The following GATB variants were observed in gnomAD, a reference collection of about 807,000 sequenced individuals.
GATB encodes glutamyl-tRNA amidotransferase subunit B.
A neutral mutation model predicts 62.3 loss-of-function variants in GATB; 39 were observed. The observed-to-expected ratio is 0.63, with a 90% confidence interval of 0.48 to 0.82. The LOEUF is 0.82. Among genes scored for constraint, GATB ranks in the 40% least tolerant of loss-of-function variants. GATB has a pLI of 0.00. For synonymous variants in GATB, 276 were observed against 258.9 expected (o/e 1.07, Z -0.63); for missense variants, 670 against 684.0 (o/e 0.98, Z 0.23).
chr4:151,757,761 G>A (rs751480313), intron 2 of GATB, among the ~76,000 whole-genome samples: 6 of 151,994 alleles, frequency 3.9e-5, no homozygotes, highest in Non-Finnish European at 5.9e-5. Flanking sequence ...ACAGGCGTGA[G>A]CCACCGCGCC....
At chr4:151,693,059 G>C (rs1465069866) in intron 9 of GATB, among the ~76,000 whole-genome samples, 1 of 152,228 alleles carries the variant, frequency 6.6e-6, no homozygotes, top group African/African-American at 2.4e-5. Context: ...CATTTGTGCA[G>C]ACGCTGGAGG....
chr4:151,693,438 G>T (rs111538175), intron 9 of GATB, among the ~76,000 whole-genome samples: 12 of 152,302 alleles, frequency 7.9e-5, no homozygotes, highest in African/African-American at 2.6e-4. Flanking sequence ...ATTGAGAGAG[G>T]CCTCGTCAGT....
At chr4:151,758,973 T>C (rs769845424) in intron 1 of GATB, 51 bp from the exon 2 acceptor site, 1 of 1,352,718 alleles carries the variant, frequency 7.4e-7, no homozygotes. Context: ...TCACCATGAA[T>C]GAATTTCTAT....
intron 9 of GATB, among the ~76,000 whole-genome samples, chr4:151,691,268 T>C (rs568385142): frequency 6.6e-6 from 1 of 152,262 alleles, no homozygotes; most frequent in East Asian, 1.9e-4. Flanking sequence ...GCAATAGAAC[T>C]GCAACTTCAG....
At chr4:151,697,967 A>ATATATATATATATGTGTATG (rs1560847752) in intron 9 of GATB, among the ~76,000 whole-genome samples, 4 of 101,872 alleles carry the variant, frequency 3.9e-5, no homozygotes, top group African/African-American at 2.1e-4. Context: ...ATATATATAT[A>ATATATATATATATGTGTATG]TATATATATA....
intron 2 of GATB, among the ~76,000 whole-genome samples, chr4:151,756,402 A>G (rs1304913058): frequency 1.3e-5 from 2 of 152,238 alleles, no homozygotes; most frequent in Non-Finnish European, 2.9e-5. Context: ...GAGGTAAATC[A>G]AAAGATTTTG....
chr4:151,679,877 G>C lies in GATB; in HGVS notation c.1346C>G (p.Ser449Cys). Residue 449 changes from serine to cysteine, a missense_variant, in exon 11 of 13, where the codon TCT becomes TGT. By Grantham distance (112) the Ser-to-Cys change is moderately radical. Coordinates refer to ENST00000263985, the MANE Select transcript of GATB (RefSeq NM_004564.3). Reference sequence around the variant, plus strand: ...CAGGTCAAGAAGCTCAGCGAGTGCAGAGGGTGTGACAGGACTGGTGGCCCC... The same window carrying C: ...CAGGTCAAGAAGCTCAGCGAGTGCACAGGGTGTGACAGGACTGGTGGCCCC... ...LAVSESPVTP[S>C]ALAELLDLLD... is the part of the protein sequence containing the mutation. The C allele has an allele frequency of 6.2e-7, 1 of 1,614,110 alleles. No homozygotes were observed.
At chr4:151,709,781 A>G (rs955261910) in intron 5 of GATB, among the ~76,000 whole-genome samples, 2 of 137,686 alleles carry the variant, frequency 1.5e-5, no homozygotes, top group African/African-American at 2.9e-5. Context: ...CCTGCTATAT[A>G]TAGTCTGGGT....
chr4:151,717,058 G>C lies in GATB; in HGVS notation c.458C>G (p.Thr153Ser). The C allele has an allele frequency of 6.2e-7, 1 of 1,614,064 alleles. No homozygotes were observed. The highest frequency in any genetic ancestry group is 8.5e-7 in the Non-Finnish European group (1 of 1,180,004). The change falls in exon 4 of 13, where the codon ACC becomes AGC. Residue 153 changes from threonine to serine, a missense_variant. Coordinates refer to ENST00000263985, the MANE Select transcript of GATB (RefSeq NM_004564.3). ...CACAGCAATTGGGAGCCTCTGCTGGGTAATTTGGTAGCCTGCCTGCACACA... is the reference window on the plus strand; with the variant it reads ...CACAGCAATTGGGAGCCTCTGCTGGCTAATTTGGTAGCCTGCCTGCACACA... ...YADLPAGYQI[T>S]QQRLPIAVNG...
At chr4:151,742,568 G>T (rs1024734720) in intron 2 of GATB, among the ~76,000 whole-genome samples, 4 of 152,156 alleles carry the variant, frequency 2.6e-5, no homozygotes, top group Non-Finnish European at 5.9e-5. Flanking sequence ...AATGGGACAG[G>T]GGGTATGGGA....
Position 151,680,314 on chromosome 4 carries a change from C to T in GATB, c.1332-423G>A, listed in dbSNP as rs114037367. On this transcript the variant is annotated intron_variant, in intron 10 of 12. Coordinates refer to ENST00000263985, the MANE Select transcript of GATB (RefSeq NM_004564.3). ...AAAACCAGCTAACAAAGTCACGTTT[C>T]TGAGTGTTTCTGTGCAAATATAAAT... is the stretch of plus-strand genomic sequence containing the variant. 9.7e-3 allele frequency among the ~76,000 whole-genome samples: 1,470 copies of T among 151,134 alleles called. 17 individuals are homozygous for T. Among genetic ancestry groups the T allele is most frequent in the African/African-American group, 0.034 (1,397 of 41,180 alleles).
intron 5 of GATB, among the ~76,000 whole-genome samples, chr4:151,709,266 C>T (rs112716750): frequency 2.7e-3 from 415 of 152,268 alleles, no homozygotes; most frequent in African/African-American, 9.4e-3. Flanking sequence ...AGCTGGAGGT[C>T]GCCGGCGGCC....
intron 10 of GATB, among the ~76,000 whole-genome samples, chr4:151,686,064 A>C (rs190562050): frequency 7.4e-5 from 9 of 122,116 alleles, no homozygotes; most frequent in Admixed American, 5.5e-4. Context: ...AAAACAAAAC[A>C]AAACAAAAAA....
intron 10 of GATB, 65 bp downstream of exon 10, chr4:151,688,565 C>T (rs555501232): frequency 2.0e-6 from 3 of 1,517,960 alleles, no homozygotes; most frequent in Non-Finnish European, 2.7e-6. Flanking sequence ...TGGACCTGCC[C>T]TATTTCCAGC....
intron 2 of GATB, among the ~76,000 whole-genome samples, chr4:151,753,603 A>G (rs1004627959): frequency 6.6e-6 from 1 of 151,800 alleles, no homozygotes; most frequent in Non-Finnish European, 1.5e-5. Flanking sequence ...TCAGTTGATC[A>G]TATTAATCAA....
chr4:151,679,597 G>A (rs549775194), intron 11 of GATB, among the ~76,000 whole-genome samples: 15 of 152,330 alleles, frequency 9.8e-5, no homozygotes, highest in Admixed American at 8.5e-4. Context: ...ATTTCCCCAG[G>A]TTAGCGGTGA....
chr4:151,699,780 A>G (rs948460035), intron 9 of GATB, among the ~76,000 whole-genome samples: 2 of 151,466 alleles, frequency 1.3e-5, no homozygotes, highest in African/African-American at 4.9e-5. Context: ...CAGCTAATAC[A>G]CACACACACA....
At chr4:151,728,909 G>A (rs144926600) in intron 2 of GATB, among the ~76,000 whole-genome samples, 7 of 152,282 alleles carry the variant, frequency 4.6e-5, no homozygotes, top group African/African-American at 1.4e-4. Flanking sequence ...TACAGGATCA[G>A]GTATGAACGA....
intron 2 of GATB, among the ~76,000 whole-genome samples, chr4:151,732,714 T>TAAAA (rs371222321): frequency 3.0e-5 from 2 of 66,348 alleles, no homozygotes; most frequent in African/African-American, 5.2e-5. Flanking sequence ...GAATGATCAA[T>TAAAA]AAAAAAAAAA....
Sources: allele counts gnomAD v4.1 joint callset (sites outside exome capture counted in the v4.1 genomes callset), GRCh38; gene constraint gnomAD v4.1.1; transcripts MANE v1.5; gene names NCBI Gene and HGNC (gene_info 2026-07-23, HGNC 2026-07-21).